KATNIP: variants seen among roughly 807,000 people sequenced by gnomAD.
KATNIP encodes the protein katanin interacting protein, also known as katanin-interacting protein.
Under a neutral mutation model 174.0 loss-of-function variants are expected in KATNIP, and 126 were observed. The observed-to-expected ratio is 0.72, with a 90% confidence interval of 0.63 to 0.84. KATNIP has a LOEUF of 0.84. Among genes scored for constraint, KATNIP ranks in the 40% least tolerant of loss-of-function variants. The pLI is 0.00. For missense variants in KATNIP, 1,958 were observed against 2,109.7 expected (o/e 0.93, Z 1.41); for synonymous variants, 810 against 835.7 (o/e 0.97, Z 0.53).
rs2078694068 is a variant in KATNIP, at chr16:27,690,508, A to C, written c.941-7820A>C. On this transcript the variant is annotated intron_variant, in intron 8 of 27. Transcript: ENST00000261588. Reference sequence around the variant, plus strand: ...GCAGCGGTCCACATACAGGGGTGGGAGGAATTCGTGGCCACTTGTTGCAGT... The same window carrying C: ...GCAGCGGTCCACATACAGGGGTGGGCGGAATTCGTGGCCACTTGTTGCAGT... 2.0e-5 allele frequency among the ~76,000 whole-genome samples: 3 copies of C among 152,292 alleles called. No homozygotes were observed. The South Asian group carries it at 6.2e-4, about 32-fold the overall frequency.
At chr16:27,574,762 C>G (rs559652107) in intron 2 of KATNIP, among the ~76,000 whole-genome samples, 28 of 151,432 alleles carry the variant, frequency 1.8e-4, no homozygotes, top group Admixed American at 1.5e-3. Context: ...TGGGGTTTCA[C>G]CATGCTGGCC....
At chr16:27,634,578 C>T (rs1387183026) in intron 5 of KATNIP, among the ~76,000 whole-genome samples, 1 of 152,198 alleles carries the variant, frequency 6.6e-6, no homozygotes, top group Non-Finnish European at 1.5e-5. Flanking sequence ...CAGAGTGACT[C>T]CATGCCTGCT....
At chr16:27,699,481 A>T (rs1486029011) in intron 9 of KATNIP, 53 bp from the exon 10 acceptor site, 1 of 1,609,660 alleles carries the variant, frequency 6.2e-7, no homozygotes, top group East Asian at 2.2e-5. Context: ...TGTGAACAGC[A>T]TGGAGTGAAT....
rs150959460 is a variant in KATNIP at position 27,700,665 on chromosome 16, G to A, written c.1180-924G>A. On this transcript the variant is annotated intron_variant, in intron 10 of 27. Coordinates refer to ENST00000261588, the MANE Select transcript of KATNIP (RefSeq NM_015202.5). ...GCAACAGGGAACGGCATTCCAGGTG[G>A]AAGGAACGGGGAAAAGCTTTGAGGT... 3.7e-4 allele frequency among the ~76,000 whole-genome samples: 56 copies of A among 152,316 alleles called. 2 individuals are homozygous for A. The East Asian group carries it at 9.8e-3, about 27-fold the overall frequency.
chr16:27,618,351 G>A (rs1275686792), intron 2 of KATNIP, 74 bp from the exon 3 acceptor site: 5 of 1,181,052 alleles, frequency 4.2e-6, no homozygotes, highest in Non-Finnish European at 6.3e-6. Flanking sequence ...CTGCGCCGGT[G>A]TGTGCTGCAC....
intron 18 of KATNIP, among the ~76,000 whole-genome samples, chr16:27,756,059 G>A (rs1046109314): frequency 1.3e-5 from 2 of 152,206 alleles, no homozygotes; most frequent in African/African-American, 4.8e-5. Flanking sequence ...GTTCCTGGGG[G>A]TGGGAGGTGG....
At chr16:27,620,383 C>CT (rs1243916700) in intron 3 of KATNIP, among the ~76,000 whole-genome samples, 7 of 152,218 alleles carry the variant, frequency 4.6e-5, no homozygotes, top group African/African-American at 1.7e-4. Context: ...CATCATTTTA[C>CT]TTTGTCTGCA....
intron 18 of KATNIP, among the ~76,000 whole-genome samples, chr16:27,757,036 G>T (rs1053480174): frequency 3.3e-5 from 5 of 152,114 alleles, no homozygotes; most frequent in Admixed American, 1.3e-4. Context: ...AGATCTCTGG[G>T]CCTAGCTTGA....
chr16:27,571,703 C>T (rs1340079912), intron 1 of KATNIP, among the ~76,000 whole-genome samples: 1 of 152,256 alleles, frequency 6.6e-6, no homozygotes, highest in Non-Finnish European at 1.5e-5. Flanking sequence ...ACTCCTGCTG[C>T]CAGGACACCC....
chr16:27,570,747 C>T (rs2090259081), intron 1 of KATNIP, among the ~76,000 whole-genome samples: 1 of 152,080 alleles, frequency 6.6e-6, no homozygotes, highest in Non-Finnish European at 1.5e-5. Flanking sequence ...ACCGTGAAGT[C>T]ATCTCTGCAA....
At chr16:27,715,352 G>A (rs1461398211) in intron 13 of KATNIP, among the ~76,000 whole-genome samples, 1 of 152,230 alleles carries the variant, frequency 6.6e-6, no homozygotes, top group Non-Finnish European at 1.5e-5. Context: ...AGACAAAGGT[G>A]TAAATCTTGA....
rs917317086 is a variant in KATNIP at position 27,587,130 on chromosome 16, G to A, written c.63+13174G>A. ...TTCAGCAATTACCTAACCTCTCTGC[G>A]CGTCAGTTTCCTCAGCTGCAGAATG... On this transcript the variant is annotated intron_variant, in intron 2 of 27. Coordinates refer to ENST00000261588, the MANE Select transcript of KATNIP (RefSeq NM_015202.5). Among the ~76,000 whole-genome samples, 9 of 152,018 alleles carry A rather than the reference G, an allele frequency of 5.9e-5. 1 individual carries two copies. Among genetic ancestry groups the A allele is most frequent in the Non-Finnish European group, 7.4e-5 (5 of 68,008 alleles).
intron 6 of KATNIP, among the ~76,000 whole-genome samples, chr16:27,653,176 C>G (rs546316417): frequency 1.3e-5 from 2 of 152,284 alleles, no homozygotes; most frequent in Non-Finnish European, 2.9e-5. Context: ...GGACCTGTCT[C>G]GTTCCCAGTG....
intron 14 of KATNIP, among the ~76,000 whole-genome samples, chr16:27,739,346 G>A (rs1234893195): frequency 6.6e-6 from 1 of 152,188 alleles, no homozygotes; most frequent in African/African-American, 2.4e-5. Context: ...GTGAGATCTT[G>A]GAGTGCCGCA....
rs148111694 is a variant in KATNIP, at chr16:27,559,041, T to C, written c.7+8864T>C. On this transcript the variant is annotated intron_variant, in intron 1 of 27. Coordinates refer to ENST00000261588, the MANE Select transcript of KATNIP (RefSeq NM_015202.5). ...ATATACATTTTGAAAGGTACCCGTTTTGACTACATTCCCAGCTCCCTCAGC... is the reference window on the plus strand; with the variant it reads ...ATATACATTTTGAAAGGTACCCGTTCTGACTACATTCCCAGCTCCCTCAGC... Among the ~76,000 whole-genome samples, 243 of 152,320 alleles carry C rather than the reference T, an allele frequency of 1.6e-3. 1 individual carries two copies. The highest frequency in any genetic ancestry group is 2.6e-3 in the Non-Finnish European group (179 of 68,026).
rs930674209 is a variant in KATNIP, at chr16:27,637,634, G to C, written c.408+6472G>C. On this transcript the variant is annotated intron_variant, in intron 5 of 27. Coordinates refer to ENST00000261588, the MANE Select transcript of KATNIP (RefSeq NM_015202.5). This position sits in a 1 kb window ranked among gnomAD's most constrained non-coding sequence, Gnocchi z 4.7. ...AGGCTTTCAGGTGAGGGGACAGTGA[G>C]AGCAGCGGGCACTGGGCACAGGCTG... 6.6e-6 allele frequency among the ~76,000 whole-genome samples: 1 copy of C among 152,176 alleles called. No individual in the cohort carries two copies. Among genetic ancestry groups the C allele is most frequent in the African/African-American group, 2.4e-5 (1 of 41,452 alleles).
chr16:27,706,033 A>C lies in KATNIP; in HGVS notation c.1389+2035A>C, dbSNP rs530825685. Among the ~76,000 whole-genome samples the C allele has an allele frequency of 2.1e-3, 327 of 152,308 alleles. 3 individuals are homozygous for C. The highest frequency in any genetic ancestry group is 7.5e-3 in the African/African-American group (313 of 41,568). On this transcript the variant is annotated intron_variant, in intron 12 of 27. Coordinates refer to ENST00000261588, the MANE Select transcript of KATNIP (RefSeq NM_015202.5). The stretch of plus-strand genomic sequence containing the variant: ...TCCAGGGCAAACTGACTTATACAAC[A>C]AAGAGCAGAAAAATGACAGACTCTT...
chr16:27,660,473 C>T (rs995977983), intron 6 of KATNIP, among the ~76,000 whole-genome samples: 2 of 152,138 alleles, frequency 1.3e-5, no homozygotes, highest in East Asian at 3.9e-4. Context: ...CACTTGAACC[C>T]GGGAGGTGGA....
In KATNIP at chr16:27,740,400, G is replaced by C. The variant is rs746501285; in HGVS notation, c.2103G>C (p.Leu701=). The C allele has an allele frequency of 3.1e-6, 5 of 1,614,118 alleles. No homozygotes were observed. Among genetic ancestry groups the C allele is most frequent in the Non-Finnish European group, 4.2e-6 (5 of 1,180,050 alleles). ...SLSQLEEYLR[L]SAVPTSMGDM... The stretch of plus-strand genomic sequence containing the variant: ...CCCAGTTAGAGGAATATTTGAGACT[G>C]TCGGCAGTCCCCACTTCGATGGGTG... Residue 701 remains leucine (L), a synonymous_variant, in exon 15 of 28, where the codon CTG becomes CTC. Coordinates refer to ENST00000261588, the MANE Select transcript of KATNIP (RefSeq NM_015202.5).
Sources: allele counts gnomAD v4.1 joint callset (sites outside exome capture counted in the v4.1 genomes callset), GRCh38; gene constraint gnomAD v4.1.1; non-coding constraint Gnocchi (gnomAD v3.1); transcripts MANE v1.5; gene names NCBI Gene and HGNC (gene_info 2026-07-23, HGNC 2026-07-21).